ZAN: variants seen among roughly 807,000 people sequenced by gnomAD.
The protein encoded by ZAN is zonadhesin, also known as zonadhesin (gene/pseudogene).
Under a neutral mutation model 286.2 loss-of-function variants are expected in ZAN, and 260 were observed. The ratio of observed to expected loss-of-function variants is 0.91; its 90% CI spans 0.82 to 1.01. The LOEUF (loss-of-function observed/expected upper bound fraction) is 1.01, where lower values mean the gene tolerates loss of function less well. Among genes scored for constraint, ZAN ranks in the 50% least tolerant of loss-of-function variants. The probability of loss-of-function intolerance (pLI) is 0.00; values close to 1 mark genes in which losing one functional copy is unlikely to be tolerated. For synonymous variants in ZAN, 1,368 were observed against 1,417.5 expected (o/e 0.97, Z 0.79); for missense variants, 3,410 against 3,639.2 (o/e 0.94, Z 1.62).
In ZAN at chr7:100,795,209, G is replaced by A; in HGVS notation, c.8139G>A (p.Leu2713=). 1 of 1,609,866 alleles carries A rather than the reference G, an allele frequency of 6.2e-7. No homozygotes were observed. Residue 2713 remains leucine (L), a synonymous_variant, in exon 45 of 48, where the codon CTG becomes CTA. Coordinates refer to ENST00000613979, the MANE Select transcript of ZAN (RefSeq NM_003386.3). The part of the protein sequence containing the change: ...TQGCFPESPC[L]QNPCQNDGQC... ...CTGTCCTTGCAGAAAGCCCGTGTCT[G>A]CAGAACCCCTGTCAGAATGACGGGC...
At chr7:100,776,256 T>C (rs1361615397) in intron 33 of ZAN, among the ~76,000 whole-genome samples, 184 bp from the exon 34 acceptor site, 2 of 139,168 alleles carry the variant, frequency 1.4e-5, no homozygotes, top group East Asian at 4.4e-4. Context: ...AGGCGGATAG[T>C]GAAGTGAGCT....
chr7:100,767,300 C>T, intron 25 of ZAN, 43 bp downstream of exon 25: 1 of 1,575,046 alleles, frequency 6.3e-7, no homozygotes, highest in Non-Finnish European at 8.6e-7. Context: ...AACACCCAGC[C>T]TGCTTGCTTC....
In ZAN at chr7:100,773,336, C is replaced by A; in HGVS notation, c.5477C>A (p.Pro1826Gln). ...SSYSPCSSPC[P>Q]DTCSSINNPR... is the part of the protein sequence containing the mutation. ...TACAGCCCCTGCAGCAGCCCCTGCC[C>A]AGACACCTGCAGCAGCATAAACAAC... Residue 1826 changes from proline (P) to glutamine (Q), a missense_variant, in exon 30 of 48, where the codon CCA becomes CAA. Pro to Gln is a moderately conservative substitution (Grantham distance 76, BLOSUM62 -1). Coordinates refer to ENST00000613979, the MANE Select transcript of ZAN (RefSeq NM_003386.3). 1 of 1,613,980 alleles carries A rather than the reference C, an allele frequency of 6.2e-7. No homozygotes were observed. Among genetic ancestry groups the A allele is most frequent in the African/African-American group, 1.3e-5 (1 of 75,052 alleles).
intron 19 of ZAN, among the ~76,000 whole-genome samples, chr7:100,761,293 C>G (rs1019603947): frequency 3.3e-5 from 5 of 152,118 alleles, no homozygotes; most frequent in Non-Finnish European, 5.9e-5. Flanking sequence ...CCCTTGGGGC[C>G]AGGAATTCCA....
chr7:100,745,583 G>A (rs1251916240), intron 7 of ZAN, among the ~76,000 whole-genome samples: 1 of 146,300 alleles, frequency 6.8e-6, no homozygotes, highest in Non-Finnish European at 1.5e-5. Context: ...TATGTCCAGC[G>A]GGTAAAGAAA....
Position 100,793,985 on chromosome 7 carries a change from CTG to C in ZAN, c.7956_7957del (p.Cys2652TrpfsTer18). 3 of 1,613,668 alleles carry C rather than the reference CTG, an allele frequency of 1.9e-6. No individual in the cohort carries two copies. Among genetic ancestry groups the C allele is most frequent in the East Asian group, 2.2e-5 (1 of 44,878 alleles). ...GGCACCCAGAGCCTCCCCTGGCTGA[CTG>C]TGGCTGCACCAGCAATGGCATCTAC... ...QWHPEPPLAD[C>X]GCTSNGIYYQ... On this transcript the variant is annotated frameshift_variant, in exon 43 of 48. Coordinates refer to ENST00000613979, the MANE Select transcript of ZAN (RefSeq NM_003386.3). LOFTEE classifies it high-confidence loss of function.
rs1362524050 is a variant in ZAN at position 100,737,613 on chromosome 7, G to C, written c.613+264G>C. 2.8e-5 allele frequency among the ~76,000 whole-genome samples: 4 copies of C among 140,576 alleles called. 1 individual carries two copies. Among genetic ancestry groups the C allele is most frequent in the Non-Finnish European group, 6.4e-5 (4 of 62,688 alleles). 92.2% of individuals were successfully genotyped at this position (140,576 alleles called of 152,430 possible). ...CCCAGCTACTTGGGAGGCTGAGGCAGGAGAATGGCATGAACCTGGGAGGTG... is the reference window on the plus strand; with the variant it reads ...CCCAGCTACTTGGGAGGCTGAGGCACGAGAATGGCATGAACCTGGGAGGTG... On this transcript the variant is annotated intron_variant, in intron 6 of 47. Transcript: ENST00000613979.
At chr7:100,782,594 G>T (rs995054953) in intron 35 of ZAN, among the ~76,000 whole-genome samples, 3 of 152,114 alleles carry the variant, frequency 2.0e-5, no homozygotes, top group Non-Finnish European at 4.4e-5. Context: ...TCCTCCCCAA[G>T]TGCTGGGGTT....
chr7:100,746,827 A>G (rs1172602725), intron 8 of ZAN, 125 bp downstream of exon 8: 5 of 1,194,294 alleles, frequency 4.2e-6, no homozygotes, highest in South Asian at 1.6e-5. Context: ...AGACTATTCC[A>G]TGAAGTGGAA....
At chr7:100,785,970 CTCTT>C (rs1811537130) in intron 36 of ZAN, 23 bp from the exon 37 acceptor site, 4 of 1,604,010 alleles carry the variant, frequency 2.5e-6, no homozygotes, top group African/African-American at 2.7e-5. Flanking sequence ...CCTCCTCACT[CTCTT>C]TCTCTTCCTG....
chr7:100,746,609 AG>A lies in ZAN; in HGVS notation c.839del (p.Ser280ThrfsTer7). On this transcript the variant is annotated frameshift_variant, in exon 8 of 48. Transcript: ENST00000613979. LOFTEE classifies it high-confidence loss of function. ...GQKAVLLSPV[S>X]LSSGCLSFSF... Reference sequence around the variant, plus strand: ...GAAAGCTGTCCTCCTGAGCCCCGTGAGCCTGTCCTCTGGCTGTCTGAGCTTT... The same window carrying A: ...GAAAGCTGTCCTCCTGAGCCCCGTGACCTGTCCTCTGGCTGTCTGAGCTTT... The A allele has an allele frequency of 6.2e-7, 1 of 1,613,942 alleles. No individual in the cohort carries two copies. Among genetic ancestry groups the A allele is most frequent in the Non-Finnish European group, 8.5e-7 (1 of 1,179,880 alleles).
chr7:100,758,244 C>T lies in ZAN; in HGVS notation c.3352C>T (p.Arg1118Cys), dbSNP rs369123877. The change falls in exon 16 of 48, where the codon CGC becomes TGC. Residue 1118 changes from arginine (R) to cysteine (C), a missense_variant. This residue lies in a region of ZAN where 1,042 missense variants were observed against 1,058.0 expected (regional missense o/e 0.98). Coordinates refer to ENST00000613979, the MANE Select transcript of ZAN (RefSeq NM_003386.3). Reference sequence around the variant, plus strand: ...CAGCCCCAACTGCACAGAACATTGCCGCTGCTGGCCCGGCAGTCGGGTCGA... The same window carrying T: ...CAGCCCCAACTGCACAGAACATTGCTGCTGCTGGCCCGGCAGTCGGGTCGA... ...WFSPNCTEHCRCWPGSRVECQ... is the reference protein window; with the variant it reads ...WFSPNCTEHCCCWPGSRVECQ... The T allele has an allele frequency of 1.5e-5, 25 of 1,613,382 alleles. No individual in the cohort carries two copies. The highest frequency in any genetic ancestry group is 1.3e-4 in the African/African-American group (10 of 74,940).
chr7:100,791,361 C>T (rs1411112105), intron 40 of ZAN, among the ~76,000 whole-genome samples: 4 of 151,938 alleles, frequency 2.6e-5, no homozygotes, highest in Non-Finnish European at 5.9e-5. Context: ...TTCCTTCTTC[C>T]TTCTTTCCTC....
At position 100,734,168 on chromosome 7, in the gene ZAN, C is replaced by G. The variant is rs1480943767; in HGVS notation, c.-1C>G. On this transcript the variant is annotated 5_prime_UTR_variant, in exon 2 of 48. Transcript: ENST00000613979. Reference sequence around the variant, plus strand: ...CCTGGGAGCAACCACTTAGGGTCCTCATGGTTCCTCCAGTCTGGACTCTGC... The same window carrying G: ...CCTGGGAGCAACCACTTAGGGTCCTGATGGTTCCTCCAGTCTGGACTCTGC... The G allele has an allele frequency of 6.9e-7, 1 of 1,457,264 alleles. No homozygotes were observed. The allele number at this position is 1,457,264 out of a possible 1,614,324, so 90.3% of individuals were successfully genotyped here.
At chr7:100,783,080 C>T (rs1279903898) in intron 35 of ZAN, among the ~76,000 whole-genome samples, 1 of 151,774 alleles carries the variant, frequency 6.6e-6, no homozygotes, top group African/African-American at 2.4e-5. Context: ...CCAGCCTGGC[C>T]AACATGGCAA....
intron 35 of ZAN, among the ~76,000 whole-genome samples, chr7:100,782,682 TGTG>T (rs869125251): frequency 5.4e-4 from 76 of 140,182 alleles, no homozygotes; most frequent in East Asian, 1.6e-3. Context: ...GGGTTTTTTT[TGTG>T]TGTGTGTGTG....
rs1323648070 is a variant in ZAN, at chr7:100,776,475, A to T, written c.6228A>T (p.Glu2076Asp). 1 of 1,603,344 alleles carries T rather than the reference A, an allele frequency of 6.2e-7. No individual in the cohort carries two copies. ...TGTGTGGGAACTTCAATGATGAGGA[A>T]GAGGACGAACTAATGATGCCCAGCG... ...CGMCGNFNDE[E>D]EDELMMPSDE... Residue 2076 changes from glutamate (E) to aspartate (D), a missense_variant, in exon 34 of 48, where the codon GAA becomes GAT. By Grantham distance (45) the Glu-to-Asp change is conservative (BLOSUM62 2). Coordinates refer to ENST00000613979, the MANE Select transcript of ZAN (RefSeq NM_003386.3).
In ZAN at chr7:100,734,757, C is replaced by T. The variant is rs1043965403; in HGVS notation, c.53+536C>T. 5.7e-5 allele frequency among the ~76,000 whole-genome samples: 8 copies of T among 140,130 alleles called. 2 individuals are homozygous for T. The highest frequency in any genetic ancestry group is 1.3e-4 in the Non-Finnish European group (8 of 62,686). The allele number at this position is 140,130 out of a possible 152,430, so 91.9% of individuals were successfully genotyped here. The stretch of plus-strand genomic sequence containing the variant: ...GACAGGGCTACAATGTGAGAAGGGA[C>T]GGAGGAGGTGCAGAGCTGGAAGACA... On this transcript the variant is annotated intron_variant, in intron 2 of 47. Transcript: ENST00000613979.
chr7:100,781,505 G>A (rs1375361149), intron 35 of ZAN, among the ~76,000 whole-genome samples: 1 of 152,106 alleles, frequency 6.6e-6, no homozygotes, highest in African/African-American at 2.4e-5. Context: ...CAGGGTGAAA[G>A]CAGCACACAG....
Sources: allele counts gnomAD v4.1 joint callset (sites outside exome capture counted in the v4.1 genomes callset), GRCh38; gene constraint gnomAD v4.1.1; regional missense constraint gnomAD v4.1.1; transcripts MANE v1.5; gene names NCBI Gene and HGNC (gene_info 2026-07-23, HGNC 2026-07-21).